NBEA: variants seen among roughly 807,000 people sequenced by gnomAD.
NBEA encodes the protein lysosomal-trafficking regulator 2.
A neutral mutation model predicts 343.4 loss-of-function variants in NBEA; 44 were observed. The ratio of observed to expected loss-of-function variants is 0.13; its 90% confidence interval spans 0.10 to 0.16. The LOEUF (loss-of-function observed/expected upper bound fraction) is 0.16. Ranked by LOEUF, NBEA falls within the 10% of genes least tolerant of loss-of-function variation. The probability of loss-of-function intolerance (pLI) is 1.00; values close to 1 mark genes in which losing one functional copy is unlikely to be tolerated. For synonymous variants in NBEA, 1,175 were observed against 1,238.7 expected (o/e 0.95, Z 1.08); for missense variants, 2,555 against 3,631.3 (o/e 0.70, Z 7.62).
intron 41 of NBEA, among the ~76,000 whole-genome samples, chr13:35,494,348 A>T (rs965796350): frequency 6.6e-6 from 1 of 152,014 alleles, no homozygotes; most frequent in African/African-American, 2.4e-5. Context: ...TAAGGGAAAA[A>T]GTCAAGTCTG....
chr13:35,442,329 G>T (rs570031658), intron 39 of NBEA, among the ~76,000 whole-genome samples: 7 of 151,974 alleles, frequency 4.6e-5, no homozygotes, highest in African/African-American at 9.6e-5. Flanking sequence ...GTTTTATTAC[G>T]TTTTTTTACA....
chr13:34,966,964 T>C (rs1196029996), intron 1 of NBEA, among the ~76,000 whole-genome samples: 2 of 151,520 alleles, frequency 1.3e-5, no homozygotes, highest in African/African-American at 4.8e-5. Context: ...CTTTCTTTTT[T>C]TTTTTTTTTT....
intron 35 of NBEA, among the ~76,000 whole-genome samples, chr13:35,304,390 T>A (rs1424431144): frequency 6.6e-6 from 1 of 151,962 alleles, no homozygotes; most frequent in Non-Finnish European, 1.5e-5. Context: ...AGTCTTGGGT[T>A]GTCACCCAGA....
chr13:35,337,730 A>G (rs2039347950), intron 36 of NBEA, among the ~76,000 whole-genome samples: 1 of 152,114 alleles, frequency 6.6e-6, no homozygotes, highest in Admixed American at 6.6e-5. Context: ...TGGCCAAAAA[A>G]CAATTCTCAG....
chr13:35,006,637 A>T (rs1204503381), intron 1 of NBEA, among the ~76,000 whole-genome samples: 1 of 152,146 alleles, frequency 6.6e-6, no homozygotes, highest in Admixed American at 6.5e-5. Flanking sequence ...TCTTTGTTGG[A>T]AATCTACTTT....
intron 45 of NBEA, among the ~76,000 whole-genome samples, chr13:35,575,647 A>T (rs112062019): frequency 0.069 from 10,444 of 152,250 alleles, 419 homozygotes; most frequent in African/African-American, 0.091. Flanking sequence ...TTTCAGTGTG[A>T]AAAATAGTAT....
chr13:35,262,634 A>G (rs893037798), intron 34 of NBEA, among the ~76,000 whole-genome samples: 1 of 152,204 alleles, frequency 6.6e-6, no homozygotes, highest in Admixed American at 6.5e-5. Context: ...TAACAAAATC[A>G]TACTGATGAA....
chr13:34,995,860 T>G (rs369731924), intron 1 of NBEA, among the ~76,000 whole-genome samples: 13 of 152,214 alleles, frequency 8.5e-5, no homozygotes, highest in African/African-American at 3.1e-4. Context: ...AAAAGTTTAG[T>G]CCCAGAATAT....
chr13:35,310,852 G>T (rs540131966), intron 36 of NBEA, among the ~76,000 whole-genome samples: 1 of 152,220 alleles, frequency 6.6e-6, no homozygotes, highest in South Asian at 2.1e-4. Context: ...AGTCATGAAA[G>T]AATAGTCCTT....
intron 38 of NBEA, among the ~76,000 whole-genome samples, chr13:35,382,283 A>G (rs1020502814): frequency 6.6e-6 from 1 of 152,132 alleles, no homozygotes; most frequent in African/African-American, 2.4e-5. Flanking sequence ...ACAAGAGGCA[A>G]ATGGCCACAG....
At chr13:35,252,141 A>C (rs1411152334) in intron 34 of NBEA, among the ~76,000 whole-genome samples, 2 of 152,214 alleles carry the variant, frequency 1.3e-5, no homozygotes, top group East Asian at 3.9e-4. Flanking sequence ...CACAGTTCCA[A>C]ATGGCTGGGG....
At chr13:35,199,610 C>G (rs2072875938) in intron 31 of NBEA, among the ~76,000 whole-genome samples, 1 of 152,000 alleles carries the variant, frequency 6.6e-6, no homozygotes, top group African/African-American at 2.4e-5. Flanking sequence ...TTATACTTAT[C>G]CTGGATTTTA....
At chr13:35,330,464 C>A (rs1314395781) in intron 36 of NBEA, among the ~76,000 whole-genome samples, 1 of 152,030 alleles carries the variant, frequency 6.6e-6, no homozygotes, top group Non-Finnish European at 1.5e-5. Context: ...TCCCTTAACA[C>A]TTAATTCCAC....
At chr13:35,183,575 A>T (rs2071466506) in intron 29 of NBEA, among the ~76,000 whole-genome samples, 3 of 152,034 alleles carry the variant, frequency 2.0e-5, no homozygotes, top group Admixed American at 2.0e-4. Context: ...ATTATAATAT[A>T]CTTTTGCTTT....
At chr13:35,414,892 G>C (rs923630525) in intron 38 of NBEA, among the ~76,000 whole-genome samples, 4 of 152,132 alleles carry the variant, frequency 2.6e-5, no homozygotes, top group African/African-American at 4.8e-5. Flanking sequence ...TCCAGCACCT[G>C]TTGTTTCCTG....
At chr13:35,309,405 G>A in intron 35 of NBEA, 123 bp from the exon 36 acceptor site, 1 of 622,204 alleles carries the variant, frequency 1.6e-6, no homozygotes, top group Admixed American at 3.6e-5. Flanking sequence ...ACAAAATCTT[G>A]TAAAGACATT....
chr13:35,455,925 G>A (rs1174683058), intron 40 of NBEA, among the ~76,000 whole-genome samples: 6 of 152,046 alleles, frequency 3.9e-5, no homozygotes. Context: ...GAGTGTGTTT[G>A]TAGGTATATA....
At chr13:35,425,653 T>A (rs528669742) in intron 38 of NBEA, among the ~76,000 whole-genome samples, 2 of 152,290 alleles carry the variant, frequency 1.3e-5, no homozygotes, top group East Asian at 3.9e-4. Flanking sequence ...TCTGTAGATG[T>A]CTATTAGGTC....
intron 40 of NBEA, 23 bp downstream of exon 40, chr13:35,452,258 C>T (rs1307561410): frequency 6.5e-7 from 1 of 1,532,052 alleles, no homozygotes; most frequent in East Asian, 2.5e-5. Context: ...ATATATTTTT[C>T]CTATTTGTTG....
Sources: allele counts gnomAD v4.1 joint callset (sites outside exome capture counted in the v4.1 genomes callset), GRCh38; gene constraint gnomAD v4.1.1; transcripts MANE v1.5; gene names NCBI Gene and HGNC (gene_info 2026-07-23, HGNC 2026-07-21).